The following ZXDC variants were observed in gnomAD, a reference collection of about 807,000 sequenced individuals.
The protein encoded by ZXDC is zinc finger protein ZXDC.
Under a neutral mutation model 63.6 loss-of-function variants are expected in ZXDC, and 58 were observed. The observed-to-expected ratio is 0.91, with a 90% CI of 0.74 to 1.13. ZXDC has a LOEUF of 1.13. ZXDC is among the 50% of genes most tolerant of loss of function. The pLI is 0.00. For synonymous variants in ZXDC, 561 were observed against 496.1 expected, an observed-to-expected ratio of 1.13 and a Z score of -1.74; for missense variants, 1,133 against 1,148.9, an observed-to-expected ratio of 0.99 and a Z score of 0.20.
At position 126,461,700 on chromosome 3, in the gene ZXDC, T is replaced by C; in HGVS notation, c.1962A>G (p.Glu654=). The C allele has an allele frequency of 6.2e-7, 1 of 1,613,084 alleles. No homozygotes were observed. Among genetic ancestry groups the C allele is most frequent in the Non-Finnish European group, 8.5e-7 (1 of 1,179,744 alleles). The change falls in exon 6 of 10, where the codon GAA becomes GAG. Residue 654 remains glutamate (E), a synonymous_variant. Transcript: ENST00000389709. ...STPRENASVP[E]LLAPIKVEPD... ...GCTCCACCTTGATTGGAGCCAGCAG[T>C]TCCGGGACACTGGCATTTTCTCGGG... is the stretch of plus-strand genomic sequence containing the variant.
chr3:126,475,706 G>T lies in ZXDC; in HGVS notation c.160C>A (p.Arg54=). The T allele has an allele frequency of 2.3e-6, 3 of 1,289,072 alleles. No homozygotes were observed. Among genetic ancestry groups the T allele is most frequent in the Non-Finnish European group, 2.9e-6 (3 of 1,019,402 alleles). The allele number at this position is 1,289,072 out of a possible 1,614,324, so 79.9% of individuals were successfully genotyped here. A position where few individuals can be genotyped will look rare whatever the true frequency, so the allele number is the denominator to read the frequency against. Residue 54 remains arginine (R), a synonymous_variant, in exon 1 of 10, where the codon CGG becomes AGG. Coordinates refer to ENST00000389709, the MANE Select transcript of ZXDC (RefSeq NM_025112.5). ...CTTGGCCCGGAGGCCTCCCCGGGCC[G>T]CGCCCCGGGCCCGCCATCTTCAGGG... ...RGPEDGGPGA[R]PGEASGPSPP...
chr3:126,467,170 T>C (rs1443751677), intron 4 of ZXDC, among the ~76,000 whole-genome samples: 1 of 151,728 alleles, frequency 6.6e-6, no homozygotes, highest in Non-Finnish European at 1.5e-5. Context: ...TATGCAGCCC[T>C]CGAGGTGACT....
At position 126,474,944 on chromosome 3, in the gene ZXDC, C is replaced by T. The variant is rs970413002; in HGVS notation, c.907+15G>A. On this transcript the variant is annotated intron_variant, in intron 1 of 9. Coordinates refer to ENST00000389709, the MANE Select transcript of ZXDC (RefSeq NM_025112.5). The stretch of plus-strand genomic sequence containing the variant: ...CAACACCGCGCAGCCCGCCCGCCCC[C>T]GAGAGCGCGGTTACCGGGAAAGTCA... The T allele has an allele frequency of 4.5e-6, 7 of 1,551,938 alleles. No homozygotes were observed. Among genetic ancestry groups the T allele is most frequent in the Non-Finnish European group, 6.1e-6 (7 of 1,146,278 alleles).
intron 7 of ZXDC, among the ~76,000 whole-genome samples, chr3:126,447,560 A>G (rs1472132139): frequency 5.9e-5 from 9 of 152,114 alleles, no homozygotes; most frequent in African/African-American, 2.2e-4. Flanking sequence ...GACTTCCATA[A>G]AAGTGTCAAA....
At chr3:126,440,494 A>G in intron 8 of ZXDC, 1 of 985,702 alleles carries the variant, frequency 1.0e-6, no homozygotes, top group Non-Finnish European at 1.2e-6. Context: ...GGCATCTCTT[A>G]AAAGTATACC....
In ZXDC at chr3:126,461,647, A is replaced by T; in HGVS notation, c.2015T>A (p.Val672Asp). ...CCCATGGCTTCCTTCCTGCTGCCCA[A>T]CTGCTCCTGGGCGAGAAGGCGAGTC... Reference protein sequence around the residue: ...EPDSPSRPGAVGQQEGSHGLP... With the variant: ...EPDSPSRPGADGQQEGSHGLP... Residue 672 changes from valine (V) to aspartate (D), a missense_variant, in exon 6 of 10, where the codon GTT (valine) becomes GAT (aspartate). Transcript: ENST00000389709. The T allele has an allele frequency of 6.2e-7, 1 of 1,613,386 alleles. No homozygotes were observed. The highest frequency in any genetic ancestry group is 1.1e-5 in the South Asian group (1 of 91,056).
In ZXDC at chr3:126,475,117, G is replaced by C; in HGVS notation, c.749C>G (p.Thr250Ser). Residue 250 changes from threonine (T) to serine (S), a missense_variant, in exon 1 of 10, where the codon ACT becomes AGT. Coordinates refer to ENST00000389709, the MANE Select transcript of ZXDC (RefSeq NM_025112.5). ...GTGCGCCTTGAGGTTATAGACCGTA[G>C]TGAACTTCTTGCCACAGCCGCCCAC... ...CPVGGCGKKF[T>S]TVYNLKAHMK... 6.2e-7 allele frequency: 1 copy of C among 1,610,800 alleles called. No individual in the cohort carries two copies.
chr3:126,466,027 T>C, intron 5 of ZXDC, 128 bp downstream of exon 5: 1 of 1,101,774 alleles, frequency 9.1e-7, no homozygotes, highest in Non-Finnish European at 1.3e-6. Context: ...CCACTTGGCT[T>C]GGCAGCCACG....
rs1399282629 is a variant in ZXDC, at chr3:126,475,390, G to A, written c.476C>T (p.Ala159Val). 4 of 1,215,740 alleles carry A rather than the reference G, an allele frequency of 3.3e-6. No homozygotes were observed. In the East Asian group the frequency reaches 1.1e-4, roughly 32 times the overall value. 75.3% of individuals were successfully genotyped at this position (1,215,740 alleles called of 1,614,324 possible). The change falls in exon 1 of 10, where the codon GCC becomes GTC. Residue 159 changes from alanine to valine, a missense_variant. Coordinates refer to ENST00000389709, the MANE Select transcript of ZXDC (RefSeq NM_025112.5). ...GGCCTGGGGCGCGCGGCGGGGAGCGGCGGCGCCCGCGGTTGCGGGGCCGGG... is the reference window on the plus strand; with the variant it reads ...GGCCTGGGGCGCGCGGCGGGGAGCGACGGCGCCCGCGGTTGCGGGGCCGGG... Reference protein sequence around the residue: ...APPGPATAGAAAPRRAPQASG... With the variant: ...APPGPATAGAVAPRRAPQASG...
At chr3:126,451,509 T>C in intron 7 of ZXDC, 2 of 985,444 alleles carry the variant, frequency 2.0e-6, no homozygotes, top group Non-Finnish European at 2.4e-6. Flanking sequence ...TTTTGGCTCC[T>C]GAACACATTA....
chr3:126,453,811 C>T, intron 7 of ZXDC: 2 of 982,278 alleles, frequency 2.0e-6, no homozygotes, highest in Non-Finnish European at 2.4e-6. Flanking sequence ...TCTCCTGCCT[C>T]AGCCTCCTGA....
chr3:126,446,105 C>A (rs1933872989), intron 7 of ZXDC, among the ~76,000 whole-genome samples: 1 of 152,272 alleles, frequency 6.6e-6, no homozygotes, highest in Admixed American at 6.5e-5. Context: ...AATGGACAAC[C>A]ACAAACCCTT....
chr3:126,438,534 A>G, intron 9 of ZXDC, 73 bp from the exon 10 acceptor site: 1 of 1,421,584 alleles, frequency 7.0e-7, no homozygotes, highest in Non-Finnish European at 9.8e-7. Context: ...TCCACACAGC[A>G]GGACACTGAC....
At chr3:126,464,945 T>G (rs754852405) in intron 5 of ZXDC, among the ~76,000 whole-genome samples, 1 of 152,258 alleles carries the variant, frequency 6.6e-6, no homozygotes, top group Non-Finnish European at 1.5e-5. Context: ...AGGGGCTTCA[T>G]GACCACTTCT....
chr3:126,454,019 A>ACC, intron 7 of ZXDC: 1 of 817,332 alleles, frequency 1.2e-6, no homozygotes, highest in Non-Finnish European at 1.5e-6. Context: ...AAGCAGTACT[A>ACC]TATATTATGT....
intron 7 of ZXDC, chr3:126,457,545 C>A: frequency 2.0e-6 from 2 of 985,412 alleles, no homozygotes; most frequent in Non-Finnish European, 2.4e-6. Flanking sequence ...ACCAGGTTTC[C>A]ATTTCCCTTA....
In ZXDC at chr3:126,438,420, G is replaced by A. The variant is rs750152519; in HGVS notation, c.2532C>T (p.Ala844=). 1.2e-6 allele frequency: 2 copies of A among 1,613,952 alleles called. No homozygotes were observed. Among genetic ancestry groups the A allele is most frequent in the Admixed American group, 1.7e-5 (1 of 60,004 alleles). ...TGATAGTGCTTCCTGGGAACTGGGT[G>A]GCCTCCGGTCCAGCAGGGCCTCCAG... ...PSSGGPAGPE[A]TQFPGSTINL... The change falls in exon 10 of 10, where the codon GCC becomes GCT. Residue 844 remains alanine, a synonymous_variant. Coordinates refer to ENST00000389709, the MANE Select transcript of ZXDC (RefSeq NM_025112.5).
At chr3:126,456,206 T>C (rs145363328) in intron 7 of ZXDC, among the ~76,000 whole-genome samples, 2,190 of 152,352 alleles carry the variant, frequency 0.014, 64 homozygotes, top group African/African-American at 0.047. Flanking sequence ...GCACTTGCAG[T>C]GCAAGGCAAA....
At chr3:126,438,571 C>A in intron 9 of ZXDC, 110 bp from the exon 10 acceptor site, 1 of 912,968 alleles carries the variant, frequency 1.1e-6, no homozygotes, top group Non-Finnish European at 1.7e-6. Context: ...TACCTGACTT[C>A]TCTTACTCAA....
Sources: gnomAD v4.1 joint callset for allele counts (sites outside exome capture counted in the v4.1 genomes callset) on GRCh38, gnomAD v4.1.1 for gene constraint, MANE v1.5 for transcripts, NCBI Gene and HGNC (gene_info 2026-07-23, HGNC 2026-07-21) for gene names.